KCNH8: variants seen among roughly 807,000 people sequenced by gnomAD.
KCNH8 encodes the protein voltage-gated delayed rectifier potassium channel KCNH8.
KCNH8 carries 70 observed loss-of-function variants against 103.6 expected under a neutral mutation model. The ratio of observed to expected loss-of-function variants is 0.68; its 90% CI spans 0.56 to 0.82. KCNH8 has a LOEUF of 0.82. Ranked by LOEUF, KCNH8 falls within the 40% of genes least tolerant of loss-of-function variation. The pLI is 0.00. For synonymous variants in KCNH8, 498 were observed against 489.4 expected, an observed-to-expected ratio of 1.02 and a Z score of -0.23; for missense variants, 1,217 against 1,329.9, an observed-to-expected ratio of 0.92 and a Z score of 1.32.
intron 3 of KCNH8, among the ~76,000 whole-genome samples, chr3:19,308,729 C>A (rs1390918289): frequency 4.0e-5 from 1 of 24,976 alleles, no homozygotes; most frequent in East Asian, 1.5e-3. Flanking sequence ...CCCCTCTCTC[C>A]CTCTCTCCCT....
intron 15 of KCNH8, among the ~76,000 whole-genome samples, chr3:19,531,674 A>G (rs960082897): frequency 6.6e-6 from 1 of 152,226 alleles, no homozygotes; most frequent in Admixed American, 6.5e-5. Flanking sequence ...TCACCTCCCG[A>G]TGGACCTGCC....
intron 15 of KCNH8, among the ~76,000 whole-genome samples, chr3:19,525,880 G>A (rs1452058172): frequency 1.3e-5 from 2 of 151,918 alleles, no homozygotes; most frequent in Non-Finnish European, 2.9e-5. Flanking sequence ...TGGATGAAAT[G>A]TATGCAAGTG....
chr3:19,392,475 ATAT>A (rs1338108910), intron 6 of KCNH8, among the ~76,000 whole-genome samples: 1 of 152,006 alleles, frequency 6.6e-6, no homozygotes, highest in Non-Finnish European at 1.5e-5. Context: ...ATATCCTATA[ATAT>A]TTGAACAGAA....
chr3:19,267,505 T>A (rs2064529016), intron 2 of KCNH8, among the ~76,000 whole-genome samples: 1 of 152,044 alleles, frequency 6.6e-6, no homozygotes, highest in African/African-American at 2.4e-5. Flanking sequence ...AATTATCTTA[T>A]CATAGAAAGC....
chr3:19,387,750 T>A (rs1312458294), intron 5 of KCNH8, among the ~76,000 whole-genome samples: 1 of 152,164 alleles, frequency 6.6e-6, no homozygotes, highest in African/African-American at 2.4e-5. Flanking sequence ...TTTGTATAGA[T>A]GTTTTAAAAT....
chr3:19,290,125 A>G (rs937111100), intron 3 of KCNH8, among the ~76,000 whole-genome samples: 11 of 152,160 alleles, frequency 7.2e-5, no homozygotes, highest in Admixed American at 7.2e-4. Context: ...GAAGTTGCCT[A>G]TCAGCTTAAG....
intron 1 of KCNH8, among the ~76,000 whole-genome samples, chr3:19,247,586 T>C (rs1278095114): frequency 1.3e-5 from 2 of 152,238 alleles, no homozygotes; most frequent in African/African-American, 2.4e-5. Flanking sequence ...GGAGGACTTA[T>C]ATTTGTCTAC....
chr3:19,458,239 T>C (rs1238478141), intron 11 of KCNH8, among the ~76,000 whole-genome samples: 1 of 151,982 alleles, frequency 6.6e-6, no homozygotes, highest in African/African-American at 2.4e-5. Context: ...GAAATCCTTT[T>C]CATGTCTTTT....
At chr3:19,264,896 C>G (rs993641355) in intron 2 of KCNH8, among the ~76,000 whole-genome samples, 3 of 152,068 alleles carry the variant, frequency 2.0e-5, no homozygotes, top group African/African-American at 7.2e-5. Flanking sequence ...CAAGTCCTGG[C>G]AATTCTGACT....
intron 1 of KCNH8, among the ~76,000 whole-genome samples, chr3:19,238,755 T>C (rs982191128): frequency 1.3e-5 from 2 of 152,216 alleles, no homozygotes; most frequent in African/African-American, 4.8e-5. Context: ...AAAATACACA[T>C]TTTGGGTCTT....
intron 1 of KCNH8, among the ~76,000 whole-genome samples, chr3:19,205,993 C>T (rs375495047): frequency 2.6e-5 from 4 of 151,648 alleles, no homozygotes; most frequent in African/African-American, 9.7e-5. Flanking sequence ...TCCCTATAGT[C>T]CATTGTATCA....
At chr3:19,293,520 A>G (rs923893173) in intron 3 of KCNH8, among the ~76,000 whole-genome samples, 5 of 152,306 alleles carry the variant, frequency 3.3e-5, no homozygotes, top group South Asian at 2.1e-4. Context: ...TTTCGATCAG[A>G]ATCTGCATTT....
chr3:19,515,893 G>C (rs2068866216), intron 14 of KCNH8, among the ~76,000 whole-genome samples: 1 of 152,010 alleles, frequency 6.6e-6, no homozygotes, highest in Non-Finnish European at 1.5e-5. Flanking sequence ...TGTTGGAAAT[G>C]ACGGAGAACT....
At chr3:19,174,913 G>T (rs962637564) in intron 1 of KCNH8, among the ~76,000 whole-genome samples, 4 of 152,186 alleles carry the variant, frequency 2.6e-5, no homozygotes, top group African/African-American at 9.6e-5. Context: ...CATTGTAAAT[G>T]AAAGGAAGAA....
intron 2 of KCNH8, among the ~76,000 whole-genome samples, chr3:19,268,622 A>G (rs1301069025): frequency 2.0e-5 from 3 of 152,160 alleles, no homozygotes; most frequent in East Asian, 1.9e-4. Flanking sequence ...TTTTGCTGCC[A>G]TATGAGTAAT....
At chr3:19,403,855 T>C (rs943362836) in intron 7 of KCNH8, among the ~76,000 whole-genome samples, 2 of 151,880 alleles carry the variant, frequency 1.3e-5, no homozygotes, top group African/African-American at 4.8e-5. Context: ...GCAATTTTCA[T>C]TATCTGGACT....
In KCNH8 at chr3:19,204,868, C is replaced by A. The variant is rs1482474998; in HGVS notation, c.77-48786C>A. On this transcript the variant is annotated intron_variant, in intron 1 of 15. Transcript: ENST00000328405. Reference sequence around the variant, plus strand: ...AATGAACTCTAAATATTGAACTCTTCATTCAGATGCTCTCAGAAATCTTTG... The same window carrying A: ...AATGAACTCTAAATATTGAACTCTTAATTCAGATGCTCTCAGAAATCTTTG... Among the ~76,000 whole-genome samples, 7 of 152,064 alleles carry A rather than the reference C, an allele frequency of 4.6e-5. 1 individual carries two copies. The highest frequency in any genetic ancestry group is 4.6e-4 in the Admixed American group (7 of 15,224).
At chr3:19,245,564 T>C (rs1162283767) in intron 1 of KCNH8, among the ~76,000 whole-genome samples, 1 of 152,182 alleles carries the variant, frequency 6.6e-6, no homozygotes, top group Admixed American at 6.5e-5. Flanking sequence ...GGACAGATAC[T>C]GATTTTTCAA....
intron 1 of KCNH8, among the ~76,000 whole-genome samples, chr3:19,237,710 G>A (rs1009562918): frequency 3.3e-5 from 5 of 152,200 alleles, no homozygotes; most frequent in Non-Finnish European, 7.4e-5. Context: ...TGTGCAGTTA[G>A]TATATTAGCT....
Sources: allele counts gnomAD v4.1 joint callset (sites outside exome capture counted in the v4.1 genomes callset), GRCh38; gene constraint gnomAD v4.1.1; transcripts MANE v1.5; gene names NCBI Gene and HGNC (gene_info 2026-07-23, HGNC 2026-07-21).